Variants in CNOT6 observed in about 807,000 individuals in gnomAD.
CNOT6 encodes the protein CCR4-NOT transcription complex subunit 6, also known as carbon catabolite repression 4 protein.
In CNOT6, 12 loss-of-function variants were observed where a neutral mutation model predicts 61.2. The ratio of observed to expected loss-of-function variants is 0.20; its 90% CI spans 0.13 to 0.32. The LOEUF (loss-of-function observed/expected upper bound fraction) is 0.32. Ranked by LOEUF, CNOT6 falls within the 10% of genes least tolerant of loss-of-function variation. The probability of loss-of-function intolerance (pLI) is 1.00; values close to 1 mark genes in which losing one functional copy is unlikely to be tolerated. For missense variants in CNOT6, 405 were observed against 663.9 expected (o/e 0.61, Z 4.28); for synonymous variants, 225 against 240.6 (o/e 0.94, Z 0.60).
chr5:180,527,025 G>A (rs915783621), intron 1 of CNOT6, among the ~76,000 whole-genome samples: 4 of 151,950 alleles, frequency 2.6e-5, no homozygotes, highest in African/African-American at 9.7e-5. Context: ...GACTATGGGT[G>A]TATACCACCA....
chr5:180,548,240 C>G (rs150128560), intron 2 of CNOT6, among the ~76,000 whole-genome samples: 1 of 152,160 alleles, frequency 6.6e-6, no homozygotes, highest in Non-Finnish European at 1.5e-5. Flanking sequence ...CAAAAACGAA[C>G]GCTGTACCCA....
intron 1 of CNOT6, among the ~76,000 whole-genome samples, chr5:180,520,690 A>G (rs1027071723): frequency 1.3e-5 from 2 of 152,090 alleles, no homozygotes; most frequent in Non-Finnish European, 2.9e-5. Flanking sequence ...GGAAACAAAG[A>G]CATTTAATAG....
At chr5:180,520,522 A>G (rs966553831) in intron 1 of CNOT6, among the ~76,000 whole-genome samples, 1 of 151,930 alleles carries the variant, frequency 6.6e-6, no homozygotes, top group African/African-American at 2.4e-5. Context: ...CCTGCCTGTA[A>G]TCCCAGCTAC....
intron 2 of CNOT6, among the ~76,000 whole-genome samples, chr5:180,538,205 A>C (rs942356941): frequency 6.6e-6 from 1 of 151,622 alleles, no homozygotes; most frequent in Non-Finnish European, 1.5e-5. Context: ...CTGCCGGCTA[A>C]TTTATTGTAT....
At chr5:180,567,300 A>G (rs1760513856) in intron 8 of CNOT6, 58 bp downstream of exon 8, 1 of 1,475,516 alleles carries the variant, frequency 6.8e-7, no homozygotes, top group African/African-American at 1.4e-5. Context: ...GGTGGGGGCC[A>G]AGGGTGTGGA....
chr5:180,532,093 C>CT (rs1206398826), intron 2 of CNOT6, among the ~76,000 whole-genome samples: 1 of 152,176 alleles, frequency 6.6e-6, no homozygotes. Flanking sequence ...TTCTCTTCTT[C>CT]TCACCTGTCA....
chr5:180,571,320 G>A lies in CNOT6; in HGVS notation c.1349G>A (p.Ser450Asn). ...LRYNESLTNF[S>N]CHGKNGTTNG... is the part of the protein sequence containing the mutation. ...TATAATGAAAGTCTCACAAACTTCA[G>A]CTGTCATGGGAAGAATGGAACCACC... Residue 450 changes from serine (S) to asparagine (N), a missense_variant, in exon 11 of 12, where the codon AGC becomes AAC. Physicochemically the swap from Ser to Asn is conservative, Grantham distance 46. Around this residue, in one of 5 missense-constraint regions of CNOT6, gnomAD observed 116 missense variants for 184.6 expected, o/e 0.63. Coordinates refer to ENST00000261951, the MANE Select transcript of CNOT6 (RefSeq NM_001370472.1). 6.2e-7 allele frequency: 1 copy of A among 1,614,008 alleles called. No individual in the cohort carries two copies. The highest frequency in any genetic ancestry group is 8.5e-7 in the Non-Finnish European group (1 of 1,179,854).
chr5:180,552,166 GC>G (rs1759638162), intron 3 of CNOT6, among the ~76,000 whole-genome samples: 1 of 151,172 alleles, frequency 6.6e-6, no homozygotes, highest in African/African-American at 2.4e-5. Context: ...ACCGTGCCCA[GC>G]CCGAGGGACC....
At chr5:180,556,678 C>G (rs988404161) in intron 4 of CNOT6, among the ~76,000 whole-genome samples, 1 of 152,162 alleles carries the variant, frequency 6.6e-6, no homozygotes, top group Non-Finnish European at 1.5e-5. Context: ...CCATCCCGGG[C>G]GCAGTGGCTC....
intron 1 of CNOT6, among the ~76,000 whole-genome samples, chr5:180,525,789 G>A (rs945605423): frequency 5.3e-5 from 8 of 152,052 alleles, no homozygotes; most frequent in Admixed American, 6.6e-5. Context: ...CAAGAAAACC[G>A]ATATCCTGGA....
At chr5:180,539,680 C>T (rs1271201344) in intron 2 of CNOT6, among the ~76,000 whole-genome samples, 2 of 141,794 alleles carry the variant, frequency 1.4e-5, no homozygotes. Flanking sequence ...AGCTCTGCCT[C>T]CCAGGTTCAC....
At chr5:180,563,400 G>GT (rs1561663001) in intron 4 of CNOT6, among the ~76,000 whole-genome samples, 1 of 150,924 alleles carries the variant, frequency 6.6e-6, no homozygotes, top group Non-Finnish European at 1.5e-5. Context: ...GTTTGTTTTT[G>GT]CTTTTTTTTT....
chr5:180,494,406 T>C lies in CNOT6; in HGVS notation c.-360T>C, dbSNP rs932825402. The C allele has an allele frequency of 6.5e-6, 1 of 152,876 alleles. No homozygotes were observed. The highest frequency in any genetic ancestry group is 1.5e-5 in the Non-Finnish European group (1 of 68,132). The allele number at this position is 152,876 out of a possible 1,614,324, so 9.5% of individuals were successfully genotyped here. ...GGGACGGCGGCCGCCGCCATGATGC[T>C]TGTTTGCTTTCAATGAAAACGAGGG... On this transcript the variant is annotated 5_prime_UTR_variant, in exon 1 of 12. Transcript: ENST00000261951.
At chr5:180,556,890 A>C (rs1759923492) in intron 4 of CNOT6, among the ~76,000 whole-genome samples, 1 of 151,334 alleles carries the variant, frequency 6.6e-6, no homozygotes, top group Non-Finnish European at 1.5e-5. Context: ...TGGGAGGTGG[A>C]GGTTGCAGTG....
At chr5:180,504,931 A>G (rs1561630580) in intron 1 of CNOT6, among the ~76,000 whole-genome samples, 1 of 151,254 alleles carries the variant, frequency 6.6e-6, no homozygotes, top group Non-Finnish European at 1.5e-5. Context: ...ACCCACATCA[A>G]TGAAAGTTCT....
At chr5:180,527,710 C>G (rs1377398614) in intron 1 of CNOT6, among the ~76,000 whole-genome samples, 1 of 152,102 alleles carries the variant, frequency 6.6e-6, no homozygotes, top group Non-Finnish European at 1.5e-5. Context: ...TCTGGTTGTC[C>G]TAACGATGAG....
chr5:180,560,267 G>A (rs1196965395), intron 4 of CNOT6, among the ~76,000 whole-genome samples: 4 of 152,104 alleles, frequency 2.6e-5, no homozygotes, highest in East Asian at 3.9e-4. Context: ...ACTGTCAAAC[G>A]TGATTTAGAA....
At chr5:180,539,898 T>G (rs1201833806) in intron 2 of CNOT6, among the ~76,000 whole-genome samples, 1 of 152,168 alleles carries the variant, frequency 6.6e-6, no homozygotes, top group African/African-American at 2.4e-5. Flanking sequence ...CTGTTCATTT[T>G]CATTTGAATT....
chr5:180,555,859 T>C, intron 4 of CNOT6, among the ~76,000 whole-genome samples: 1 of 152,222 alleles, frequency 6.6e-6, no homozygotes, highest in East Asian at 1.9e-4. Flanking sequence ...TACCATTTTC[T>C]TTGAAGTTGT....
Sources: allele counts gnomAD v4.1 joint callset (sites outside exome capture counted in the v4.1 genomes callset), GRCh38; gene constraint gnomAD v4.1.1; regional missense constraint gnomAD v4.1.1; transcripts MANE v1.5; gene names NCBI Gene and HGNC (gene_info 2026-07-23, HGNC 2026-07-21).